Variants in TNC observed in about 807,000 individuals in gnomAD.
TNC encodes the protein tenascin C, also known as tenascin.
A neutral mutation model predicts 202.4 loss-of-function variants in TNC; 109 were observed. The observed-to-expected ratio is 0.54, with a 90% CI of 0.46 to 0.63. The LOEUF (loss-of-function observed/expected upper bound fraction) is 0.63. Ranked by LOEUF, TNC falls within the 30% of genes least tolerant of loss-of-function variation. The probability of loss-of-function intolerance (pLI) is 0.00; values close to 1 mark genes in which losing one functional copy is unlikely to be tolerated. For missense variants in TNC, 2,756 were observed against 2,833.3 expected (o/e 0.97, Z 0.62); for synonymous variants, 1,007 against 1,089.7 (o/e 0.92, Z 1.50).
chr9:115,094,450 C>T (rs924452538), intron 1 of TNC, among the ~76,000 whole-genome samples: 1 of 152,170 alleles, frequency 6.6e-6, no homozygotes, highest in South Asian at 2.1e-4. Flanking sequence ...TATTCTCATG[C>T]AGACAACTGG....
chr9:115,076,334 C>T (rs1833849382), intron 8 of TNC, 56 bp downstream of exon 8: 2 of 1,588,962 alleles, frequency 1.3e-6, no homozygotes, highest in Non-Finnish European at 1.7e-6. Flanking sequence ...AGGTGCCCAT[C>T]CTTTAAGGGC....
At chr9:115,103,874 C>T (rs1270807537) in intron 1 of TNC, among the ~76,000 whole-genome samples, 1 of 152,174 alleles carries the variant, frequency 6.6e-6, no homozygotes, top group Non-Finnish European at 1.5e-5. Flanking sequence ...ATCCACAAAT[C>T]TTAATCCATA....
chr9:115,101,331 C>A (rs1328406865), intron 1 of TNC, among the ~76,000 whole-genome samples: 2 of 152,168 alleles, frequency 1.3e-5, no homozygotes, highest in Non-Finnish European at 2.9e-5. Flanking sequence ...CTTGTCTCAG[C>A]CTCCTGAGTA....
chr9:115,029,469 C>A lies in TNC; in HGVS notation c.6073-13G>T. 6.2e-7 allele frequency: 1 copy of A among 1,613,090 alleles called. No homozygotes were observed. On this transcript the variant is annotated splice_polypyrimidine_tract_variant and intron_variant, in intron 24 of 27. Coordinates refer to ENST00000350763, the MANE Select transcript of TNC (RefSeq NM_002160.4). ...GTCTCAGGAACACCTATAAACATAT[C>A]GATGAATCTGGGTGTACTTAAGCTA...
intron 6 of TNC, among the ~76,000 whole-genome samples, chr9:115,079,502 C>T (rs1432754521): frequency 2.0e-5 from 3 of 152,196 alleles, no homozygotes; most frequent in African/African-American, 4.8e-5. Context: ...GTACCTACTA[C>T]CTTCCTTAGT....
At chr9:115,055,335 A>C (rs1832028641) in intron 15 of TNC, 1 of 152,604 alleles carries the variant, frequency 6.6e-6, no homozygotes, top group Non-Finnish European at 1.5e-5. Context: ...TTAAAGCTTT[A>C]AAGCTTTGAT....
intron 14 of TNC, 96 bp from the exon 15 acceptor site, chr9:115,057,521 G>T: frequency 7.9e-7 from 1 of 1,258,006 alleles, no homozygotes; most frequent in Non-Finnish European, 1.1e-6. Context: ...AACCATTGCT[G>T]GGTAGAGAGA....
intron 1 of TNC, among the ~76,000 whole-genome samples, chr9:115,095,557 T>TCTCC (rs1835652314): frequency 6.0e-4 from 1 of 1,658 alleles, no homozygotes; most frequent in Non-Finnish European, 1.2e-3. Context: ...TATATATATG[T>TCTCC]ATATATATGT....
intron 4 of TNC, among the ~76,000 whole-genome samples, chr9:115,083,317 G>A (rs1834450194): frequency 6.6e-6 from 1 of 151,464 alleles, no homozygotes. Context: ...TTTCTAGCCA[G>A]AGCTTGCTTT....
chr9:115,027,655 T>C (rs1221844408), intron 25 of TNC, among the ~76,000 whole-genome samples: 1 of 152,142 alleles, frequency 6.6e-6, no homozygotes, highest in Admixed American at 6.5e-5. Flanking sequence ...CAATGAATAA[T>C]ATAGATAAAT....
chr9:115,097,985 TG>T (rs1835923463), intron 1 of TNC, among the ~76,000 whole-genome samples: 1 of 152,204 alleles, frequency 6.6e-6, no homozygotes. Flanking sequence ...TTGAGAAGGC[TG>T]GGTAGAATAT....
At position 115,084,304 on chromosome 9, in the gene TNC, A is replaced by G; in HGVS notation, c.2036T>C (p.Ile679Thr). 1 of 1,614,140 alleles carries G rather than the reference A, an allele frequency of 6.2e-7. No individual in the cohort carries two copies. The highest frequency in any genetic ancestry group is 8.5e-7 in the Non-Finnish European group (1 of 1,180,018). ...CTCCACACCAGGCTCCAGCTCCTGG[A>G]TGATGGTGGACGTCTGGTCCCCAGG... ...RVPGDQTSTI[I>T]QELEPGVEYF... The change falls in exon 4 of 28, where the codon ATC (isoleucine) becomes ACC (threonine). Residue 679 changes from isoleucine (I) to threonine (T), a missense_variant. This residue lies in a region of TNC where 2,559 missense variants were observed against 2,546.0 expected (regional missense o/e 1.01). Transcript: ENST00000350763.
rs760188684 is a variant in TNC at position 115,090,847 on chromosome 9, G to T, written c.172C>A (p.Leu58Met). 6.2e-7 allele frequency: 1 copy of T among 1,614,222 alleles called. No homozygotes were observed. Among genetic ancestry groups the T allele is most frequent in the Non-Finnish European group, 8.5e-7 (1 of 1,180,032 alleles). The change falls in exon 2 of 28, where the codon CTG (leucine) becomes ATG (methionine). Residue 58 changes from leucine to methionine, a missense_variant. Coordinates refer to ENST00000350763, the MANE Select transcript of TNC (RefSeq NM_002160.4). ...ACCGAACACTGGGATCCCACTGGCA[G>T]CTTGATGTTGTAAACGTGGTTAAAC... ...VVFNHVYNIK[L>M]PVGSQCSVDL...
intron 25 of TNC, among the ~76,000 whole-genome samples, chr9:115,028,454 G>A (rs1449968220): frequency 6.6e-6 from 1 of 152,126 alleles, no homozygotes; most frequent in African/African-American, 2.4e-5. Flanking sequence ...ACAACCTGGG[G>A]CACAGGAGGG....
intron 10 of TNC, among the ~76,000 whole-genome samples, chr9:115,067,306 C>T (rs537330675): frequency 6.6e-6 from 1 of 152,218 alleles, no homozygotes; most frequent in Non-Finnish European, 1.5e-5. Flanking sequence ...TAAATCAACC[C>T]TATGTCTTCT....
intron 12 of TNC, 130 bp downstream of exon 12, chr9:115,063,666 G>A (rs1339177909): frequency 1.9e-6 from 2 of 1,029,248 alleles, no homozygotes; most frequent in Non-Finnish European, 2.8e-6. Flanking sequence ...TTAGGAAGAA[G>A]CAGAGATGAT....
At chr9:115,032,986 G>A (rs958635154) in intron 22 of TNC, among the ~76,000 whole-genome samples, 11 of 152,182 alleles carry the variant, frequency 7.2e-5, no homozygotes, top group Non-Finnish European at 4.4e-5. Flanking sequence ...TCTACAACCT[G>A]CAAACAGCCA....
intron 1 of TNC, among the ~76,000 whole-genome samples, chr9:115,105,345 G>A (rs1395824958): frequency 2.6e-5 from 4 of 152,158 alleles, no homozygotes; most frequent in South Asian, 2.1e-4. Context: ...TGCATATGTC[G>A]TCTGTGCCAG....
chr9:115,023,898 A>C, intron 27 of TNC, 75 bp downstream of exon 27: 2 of 1,496,370 alleles, frequency 1.3e-6, no homozygotes, highest in Non-Finnish European at 1.8e-6. Flanking sequence ...TAGGATAGGG[A>C]GTTAAATTGT....
Sources: gnomAD v4.1 joint callset for allele counts (sites outside exome capture counted in the v4.1 genomes callset) on GRCh38, gnomAD v4.1.1 for gene constraint, gnomAD v4.1.1 regional missense constraint, MANE v1.5 for transcripts, NCBI Gene and HGNC (gene_info 2026-07-23, HGNC 2026-07-21) for gene names.